The following PDE3B variants were observed in gnomAD, a reference collection of about 807,000 sequenced individuals.
PDE3B encodes cGMP-inhibited 3',5'-cyclic phosphodiesterase 3B.
In PDE3B, 66 loss-of-function variants were observed where a neutral mutation model predicts 116.8. The observed-to-expected ratio is 0.56, with a 90% CI of 0.46 to 0.69. PDE3B has a LOEUF of 0.69. Among genes scored for constraint, PDE3B ranks in the 30% least tolerant of loss-of-function variants. The pLI, the probability that PDE3B is intolerant of heterozygous loss-of-function variation, is 0.00. For missense variants in PDE3B, 1,384 were observed against 1,368.1 expected, an observed-to-expected ratio of 1.01 and a Z score of -0.18; for synonymous variants, 595 against 533.6, an observed-to-expected ratio of 1.12 and a Z score of -1.59.
chr11:14,857,537 T>C (rs1431545150), intron 12 of PDE3B, among the ~76,000 whole-genome samples: 18 of 152,212 alleles, frequency 1.2e-4, no homozygotes, highest in Admixed American at 1.0e-3. Context: ...TTCCTTCTTA[T>C]GCAGTGACTT....
intron 1 of PDE3B, among the ~76,000 whole-genome samples, chr11:14,695,989 A>G (rs1855196200): frequency 6.6e-6 from 1 of 151,922 alleles, no homozygotes; most frequent in Admixed American, 6.6e-5. Context: ...GTGCATGTAT[A>G]ATATACTGAT....
chr11:14,656,292 T>C (rs1853715150), intron 1 of PDE3B, among the ~76,000 whole-genome samples: 1 of 152,210 alleles, frequency 6.6e-6, no homozygotes, highest in South Asian at 2.1e-4. Context: ...TGATACCTCT[T>C]TTACATCTCT....
chr11:14,758,106 A>C (rs571921331), intron 1 of PDE3B, among the ~76,000 whole-genome samples: 18 of 152,230 alleles, frequency 1.2e-4, no homozygotes, highest in African/African-American at 3.4e-4. Flanking sequence ...CAAAGATCAG[A>C]TAGTTGTAGA....
intron 10 of PDE3B, among the ~76,000 whole-genome samples, chr11:14,834,005 G>A (rs1214718661): frequency 6.6e-6 from 1 of 152,058 alleles, no homozygotes; most frequent in Non-Finnish European, 1.5e-5. Context: ...TTAAAAATTT[G>A]TGAATGAGAA....
chr11:14,685,446 CTTT>C (rs71044017), intron 1 of PDE3B, among the ~76,000 whole-genome samples: 1 of 86,334 alleles, frequency 1.2e-5, no homozygotes, highest in Admixed American at 1.7e-4. Context: ...TTTTTCTCAT[CTTT>C]TTTTTTTTTT....
At chr11:14,734,763 A>G (rs1335930514) in intron 1 of PDE3B, among the ~76,000 whole-genome samples, 2 of 152,154 alleles carry the variant, frequency 1.3e-5, no homozygotes, top group African/African-American at 2.4e-5. Flanking sequence ...TAATTTAACA[A>G]TTAACATTTT....
At chr11:14,786,372 T>C (rs1858196524) in intron 2 of PDE3B, 65 bp from the exon 3 acceptor site, 1 of 1,216,342 alleles carries the variant, frequency 8.2e-7, no homozygotes, top group Non-Finnish European at 1.2e-6. Flanking sequence ...GTTAGAATTA[T>C]ACCATTTGTT....
chr11:14,867,064 TAA>T (rs76676439), intron 14 of PDE3B, among the ~76,000 whole-genome samples: 221 of 136,880 alleles, frequency 1.6e-3, no homozygotes, highest in African/African-American at 4.7e-3. Flanking sequence ...GTTCTGCTGT[TAA>T]AAAAAAAAAA....
intron 7 of PDE3B, among the ~76,000 whole-genome samples, chr11:14,824,597 G>T (rs975814395): frequency 1.3e-5 from 2 of 152,108 alleles, no homozygotes; most frequent in African/African-American, 4.8e-5. Context: ...ATTTTAAAAA[G>T]AATGAAAAGG....
At chr11:14,847,722 A>G (rs1291193145) in intron 12 of PDE3B, among the ~76,000 whole-genome samples, 3 of 152,246 alleles carry the variant, frequency 2.0e-5, no homozygotes, top group Admixed American at 6.5e-5. Flanking sequence ...CTAAGCAAAT[A>G]AACTAGAAAA....
At chr11:14,819,880 C>T (rs948336468) in intron 7 of PDE3B, among the ~76,000 whole-genome samples, 1 of 152,000 alleles carries the variant, frequency 6.6e-6, no homozygotes, top group African/African-American at 2.4e-5. Context: ...TATGCCAATT[C>T]CACAGAGACC....
intron 2 of PDE3B, among the ~76,000 whole-genome samples, chr11:14,782,954 A>T (rs889051822): frequency 6.6e-6 from 1 of 152,242 alleles, no homozygotes; most frequent in Non-Finnish European, 1.5e-5. Flanking sequence ...TGAGCAAAGG[A>T]TATGAACAGA....
chr11:14,853,080 C>T (rs1472127661), intron 12 of PDE3B, among the ~76,000 whole-genome samples: 2 of 146,808 alleles, frequency 1.4e-5, no homozygotes, highest in East Asian at 2.0e-4. Context: ...ATCTCTGTCC[C>T]TTTCTGAGAG....
the PDE3B span, among the ~76,000 whole-genome samples, chr11:14,898,647 T>C: frequency 2.3e-4 from 35 of 152,172 alleles, no homozygotes; most frequent in African/African-American, 7.0e-4. Context: ...GGTTACACAT[T>C]GAGCTGGTGG....
chr11:14,765,256 A>C (rs1372815015), intron 1 of PDE3B, among the ~76,000 whole-genome samples: 1 of 152,090 alleles, frequency 6.6e-6, no homozygotes, highest in Non-Finnish European at 1.5e-5. Context: ...TAAATATAAC[A>C]GTTCTGTAAG....
intron 5 of PDE3B, among the ~76,000 whole-genome samples, chr11:14,806,622 G>T (rs1054546886): frequency 4.0e-5 from 6 of 151,864 alleles, no homozygotes; most frequent in Admixed American, 2.0e-4. Context: ...CACTTTGGGA[G>T]GCCGAGGCGG....
intron 4 of PDE3B, among the ~76,000 whole-genome samples, chr11:14,792,933 C>A (rs369753810): frequency 6.6e-6 from 1 of 152,136 alleles, no homozygotes; most frequent in Non-Finnish European, 1.5e-5. Context: ...TCTCTTACGG[C>A]GCTTTTCACA....
intron 4 of PDE3B, among the ~76,000 whole-genome samples, chr11:14,793,860 C>A (rs1858466365): frequency 6.6e-6 from 1 of 152,134 alleles, no homozygotes; most frequent in African/African-American, 2.4e-5. Flanking sequence ...GAGACTTACA[C>A]CAAGGTTATA....
At chr11:14,686,550 C>T (rs1405153019) in intron 1 of PDE3B, among the ~76,000 whole-genome samples, 1 of 151,978 alleles carries the variant, frequency 6.6e-6, no homozygotes, top group Non-Finnish European at 1.5e-5. Flanking sequence ...GACAGGAAAA[C>T]ATCTAGCTTT....
Sources: allele counts gnomAD v4.1 joint callset (sites outside exome capture counted in the v4.1 genomes callset), GRCh38; gene constraint gnomAD v4.1.1; transcripts MANE v1.5; gene names NCBI Gene and HGNC (gene_info 2026-07-23, HGNC 2026-07-21).